Variants in MDGA2 observed in about 807,000 individuals in gnomAD.
MDGA2 encodes MAM domain containing glycosylphosphatidylinositol anchor 2.
MDGA2 carries 40 observed loss-of-function variants against 117.8 expected under a neutral mutation model. The ratio of observed to expected loss-of-function variants is 0.34; its 90% CI spans 0.26 to 0.44. The LOEUF (loss-of-function observed/expected upper bound fraction) is 0.44. Among genes scored for constraint, MDGA2 ranks in the 20% least tolerant of loss-of-function variants. The probability of loss-of-function intolerance (pLI) is 1.00; values close to 1 mark genes in which losing one functional copy is unlikely to be tolerated. For missense variants in MDGA2, 1,123 were observed against 1,250.6 expected, an observed-to-expected ratio of 0.90 and a Z score of 1.54; for synonymous variants, 452 against 439.0, an observed-to-expected ratio of 1.03 and a Z score of -0.37.
intron 1 of MDGA2, among the ~76,000 whole-genome samples, chr14:47,477,030 C>T (rs796174432): frequency 2.5e-4 from 38 of 152,238 alleles, no homozygotes; most frequent in Middle Eastern, 3.4e-3. Context: ...AGCGTGGTGG[C>T]GCACGCCTGT....
At chr14:47,094,355 G>A (rs1879842193) in intron 6 of MDGA2, among the ~76,000 whole-genome samples, 1 of 151,938 alleles carries the variant, frequency 6.6e-6, no homozygotes, top group African/African-American at 2.4e-5. Context: ...TGTCAAAGTT[G>A]GAAACTTTCT....
intron 14 of MDGA2, among the ~76,000 whole-genome samples, chr14:46,866,714 A>T (rs1881779045): frequency 6.6e-6 from 1 of 151,934 alleles, no homozygotes; most frequent in Non-Finnish European, 1.5e-5. Flanking sequence ...AAACAACCCC[A>T]TCAGAAAGTG....
At chr14:47,193,485 A>T (rs1354507878) in intron 3 of MDGA2, among the ~76,000 whole-genome samples, 1 of 152,180 alleles carries the variant, frequency 6.6e-6, no homozygotes, top group Non-Finnish European at 1.5e-5. Flanking sequence ...GCAGTAGCCT[A>T]TGAACTTTCT....
At chr14:47,647,617 T>C (rs920162616) in intron 1 of MDGA2, among the ~76,000 whole-genome samples, 1 of 152,158 alleles carries the variant, frequency 6.6e-6, no homozygotes, top group Non-Finnish European at 1.5e-5. Context: ...ACATTACCCA[T>C]GTTGATACTT....
chr14:47,087,971 T>C lies in MDGA2; in HGVS notation c.1195+8883A>G, dbSNP rs541300127. 9.3e-4 allele frequency among the ~76,000 whole-genome samples: 142 copies of C among 152,088 alleles called. 1 individual carries two copies. The highest frequency in any genetic ancestry group is 3.4e-3 in the Middle Eastern group (1 of 294). On this transcript the variant is annotated intron_variant, in intron 6 of 16. Transcript: ENST00000399232. ...TTGAAAGATTTTCTCTTGGCTAGAG[T>C]AAATATGACGAGAGACTCCATTTAC... is the stretch of plus-strand genomic sequence containing the variant.
At chr14:47,275,699 AGACAAATAT>A (rs1888289663) in intron 2 of MDGA2, among the ~76,000 whole-genome samples, 1 of 152,142 alleles carries the variant, frequency 6.6e-6, no homozygotes, top group Non-Finnish European at 1.5e-5. Context: ...TTTTTGCTTT[AGACAAATAT>A]TTCCAGTTTC....
intron 14 of MDGA2, among the ~76,000 whole-genome samples, chr14:46,857,241 T>C (rs1367472554): frequency 1.3e-5 from 2 of 152,238 alleles, no homozygotes; most frequent in Non-Finnish European, 2.9e-5. Context: ...CCTGTAGATA[T>C]GAGTTACAAT....
At chr14:47,513,794 A>T (rs1280207327) in intron 1 of MDGA2, among the ~76,000 whole-genome samples, 1 of 152,128 alleles carries the variant, frequency 6.6e-6, no homozygotes. Flanking sequence ...CTAATGCTGT[A>T]AAAATTAATA....
chr14:46,959,469 C>T (rs1885705856), intron 8 of MDGA2, among the ~76,000 whole-genome samples: 1 of 151,796 alleles, frequency 6.6e-6, no homozygotes, highest in African/African-American at 2.4e-5. Context: ...TTTACAAGCA[C>T]CTCTTTTAAA....
intron 1 of MDGA2, among the ~76,000 whole-genome samples, chr14:47,463,853 G>A (rs982784442): frequency 7.2e-5 from 11 of 151,866 alleles, no homozygotes; most frequent in African/African-American, 1.9e-4. Flanking sequence ...GAGGCTCAAA[G>A]GTTCTTCTGA....
At chr14:47,070,141 G>C (rs183045333) in intron 6 of MDGA2, among the ~76,000 whole-genome samples, 79 of 152,076 alleles carry the variant, frequency 5.2e-4, no homozygotes, top group Admixed American at 1.1e-3. Context: ...ACCCTGTTGT[G>C]CTATCAAATA....
intron 1 of MDGA2, among the ~76,000 whole-genome samples, chr14:47,416,003 G>C (rs542126928): frequency 6.6e-6 from 1 of 152,312 alleles, no homozygotes; most frequent in South Asian, 2.1e-4. Flanking sequence ...CAAATATTCA[G>C]ATCATACTAT....
chr14:47,428,454 G>C (rs1594852093), intron 1 of MDGA2, among the ~76,000 whole-genome samples: 1 of 152,166 alleles, frequency 6.6e-6, no homozygotes, highest in East Asian at 1.9e-4. Flanking sequence ...TCTACATAAA[G>C]ATTAATTTTC....
chr14:47,018,890 G>C (rs751160247), intron 8 of MDGA2, among the ~76,000 whole-genome samples: 1 of 152,004 alleles, frequency 6.6e-6, no homozygotes, highest in Non-Finnish European at 1.5e-5. Context: ...ATGGCTGTCA[G>C]GACAAAACAT....
intron 5 of MDGA2, among the ~76,000 whole-genome samples, chr14:47,104,999 C>A (rs992358578): frequency 6.6e-5 from 10 of 152,126 alleles, no homozygotes; most frequent in Admixed American, 2.6e-4. Context: ...CCCAAAACTC[C>A]GGCACCGGTC....
rs1885477854 is a variant in MDGA2 at position 47,200,870 on chromosome 14, T to C, written c.595+17151A>G. The C allele has an allele frequency of 5.9e-6, 5 of 854,514 alleles. No individual in the cohort carries two copies. The Admixed American group carries it at 6.9e-5, about 12-fold the overall frequency. The allele number at this position is 854,514 out of a possible 1,614,324, so 52.9% of individuals were successfully genotyped here. The stretch of plus-strand genomic sequence containing the variant: ...CTTGTCATAGGGCGGTGGGATGCCG[T>C]CAAACACCTTAAGGCAGTCCAGAGC... On this transcript the variant is annotated intron_variant, in intron 3 of 16. Coordinates refer to ENST00000399232, the MANE Select transcript of MDGA2 (RefSeq NM_001113498.3).
chr14:47,269,918 C>G (rs925008643), intron 2 of MDGA2, among the ~76,000 whole-genome samples: 14 of 152,100 alleles, frequency 9.2e-5, no homozygotes, highest in South Asian at 2.1e-4. Flanking sequence ...CCCTTGCAAC[C>G]CATTACATCA....
intron 3 of MDGA2, among the ~76,000 whole-genome samples, chr14:47,192,341 C>A (rs568569785): frequency 6.6e-6 from 1 of 152,194 alleles, no homozygotes; most frequent in African/African-American, 2.4e-5. Flanking sequence ...TGGGGCCGAA[C>A]GAGGTGACTC....
At chr14:47,150,194 G>T (rs1005389238) in intron 3 of MDGA2, among the ~76,000 whole-genome samples, 2 of 152,160 alleles carry the variant, frequency 1.3e-5, no homozygotes, top group Admixed American at 6.5e-5. Flanking sequence ...AGACTTCAAG[G>T]TTGTGGAGTC....
Sources: gnomAD v4.1 joint callset for allele counts (sites outside exome capture counted in the v4.1 genomes callset) on GRCh38, gnomAD v4.1.1 for gene constraint, MANE v1.5 for transcripts, NCBI Gene and HGNC (gene_info 2026-07-23, HGNC 2026-07-21) for gene names.